The following UNKL variants were observed in gnomAD, a reference collection of about 807,000 sequenced individuals.
The protein encoded by UNKL is unk like zinc finger.
UNKL carries 60 observed loss-of-function variants against 78.0 expected under a neutral mutation model. The ratio of observed to expected loss-of-function variants is 0.77; its 90% confidence interval spans 0.63 to 0.95. The LOEUF (loss-of-function observed/expected upper bound fraction) is 0.95. Ranked by LOEUF, UNKL falls within the 40% of genes least tolerant of loss-of-function variation. The pLI is 0.00. For synonymous variants in UNKL, 608 were observed against 474.8 expected (o/e 1.28, Z -3.65); for missense variants, 1,159 against 1,045.7 (o/e 1.11, Z -1.49).
At chr16:1,379,289 C>G (rs1596690571) in intron 10 of UNKL, 1 of 199,216 alleles carries the variant, frequency 5.0e-6, no homozygotes, top group East Asian at 1.9e-4. Context: ...TCCCCCGCCC[C>G]GTTCCCCTGC....
Position 1,367,364 on chromosome 16 carries a change from C to A in UNKL, c.1789-15G>T. ...GCATCGCAGACCTGAAACCCAGGGC[C>A]CGTCTCAGCACCCCCCACCTCACCT... On this transcript the variant is annotated splice_polypyrimidine_tract_variant and intron_variant, in intron 13 of 14. Coordinates refer to ENST00000389221, the MANE Select transcript of UNKL (RefSeq NM_001372107.1). 6.5e-7 allele frequency: 1 copy of A among 1,531,368 alleles called. No homozygotes were observed. Among genetic ancestry groups the A allele is most frequent in the Non-Finnish European group, 8.7e-7 (1 of 1,143,300 alleles). The allele number at this position is 1,531,368 out of a possible 1,614,324, so 94.9% of individuals were successfully genotyped here.
chr16:1,380,670 A>G (rs2036570735), intron 10 of UNKL, among the ~76,000 whole-genome samples: 1 of 46,852 alleles, frequency 2.1e-5, no homozygotes, highest in Non-Finnish European at 3.9e-5. Context: ...TAGCTGGTTC[A>G]GGATTTTTTT....
intron 5 of UNKL, among the ~76,000 whole-genome samples, chr16:1,397,928 G>A (rs887648511): frequency 6.6e-6 from 1 of 152,250 alleles, no homozygotes; most frequent in Admixed American, 6.5e-5. Flanking sequence ...TGGAGTGACA[G>A]GCAACGCAGC....
chr16:1,403,345 C>T lies in UNKL; in HGVS notation c.288-1G>A. 6.2e-7 allele frequency: 1 copy of T among 1,613,774 alleles called. No individual in the cohort carries two copies. Among genetic ancestry groups the T allele is most frequent in the Non-Finnish European group, 8.5e-7 (1 of 1,179,880 alleles). ...CGTCGTCCGGTGCAGGTAGGGACACCTGGGGAGCAGAGAGGCACGCAATGC... is the reference window on the plus strand; with the variant it reads ...CGTCGTCCGGTGCAGGTAGGGACACTTGGGGAGCAGAGAGGCACGCAATGC... On this transcript the variant is annotated splice_acceptor_variant, in intron 2 of 14. Transcript: ENST00000389221. LOFTEE classifies it high-confidence loss of function. The surrounding 1 kb of genome is among the most constrained non-coding windows in gnomAD (Gnocchi z 4.8).
In UNKL at chr16:1,367,820, A is replaced by T; in HGVS notation, c.1624T>A (p.Ser542Thr). The T allele has an allele frequency of 6.3e-7, 1 of 1,575,348 alleles. No homozygotes were observed. The highest frequency in any genetic ancestry group is 8.6e-7 in the Non-Finnish European group (1 of 1,161,544). ...GVPGSIWDFV[S>T]GSFSPSPSPI... Reference sequence around the variant, plus strand: ...GAGGGGCTGGGGGAGAAGCTGCCGGAAACAAAGTCCCAGATGCTCCCGGGG... The same window carrying T: ...GAGGGGCTGGGGGAGAAGCTGCCGGTAACAAAGTCCCAGATGCTCCCGGGG... The change falls in exon 13 of 15, where the codon TCC becomes ACC. Residue 542 changes from serine to threonine, a missense_variant. Coordinates refer to ENST00000389221, the MANE Select transcript of UNKL (RefSeq NM_001372107.1).
At chr16:1,409,120 T>A (rs1181549533) in intron 2 of UNKL, among the ~76,000 whole-genome samples, 1 of 152,064 alleles carries the variant, frequency 6.6e-6, no homozygotes, top group Non-Finnish European at 1.5e-5. Flanking sequence ...GGTTTCACCA[T>A]GTAGGATGGT....
At position 1,385,213 on chromosome 16, in the gene UNKL, A is replaced by C; in HGVS notation, c.1259T>G (p.Val420Gly). 7.8e-7 allele frequency: 1 copy of C among 1,279,658 alleles called. No homozygotes were observed. 79.3% of individuals were successfully genotyped at this position (1,279,658 alleles called of 1,614,324 possible). A position where few individuals can be genotyped will look rare whatever the true frequency, so the allele number is the denominator to read the frequency against. Reference sequence around the variant, plus strand: ...GAGGACGGTGCTGGACTTACCGAGGACGGCCTCCACAGTGCTGCTGGCGGG... The same window carrying C: ...GAGGACGGTGCTGGACTTACCGAGGCCGGCCTCCACAGTGCTGCTGGCGGG... The part of the protein sequence containing the change: ...LGPASSTVEA[V>G]LGSALDLHLS... Residue 420 changes from valine to glycine, a missense_variant, in exon 10 of 15, where the codon GTC becomes GGC. Coordinates refer to ENST00000389221, the MANE Select transcript of UNKL (RefSeq NM_001372107.1).
intron 10 of UNKL, 53 bp from the exon 11 acceptor site, chr16:1,371,664 G>A (rs949890451): frequency 1.3e-6 from 2 of 1,520,764 alleles, no homozygotes; most frequent in Non-Finnish European, 1.8e-6. Flanking sequence ...GCAGAGCTCA[G>A]GAAGCCTAGC....
rs1034859488 is a variant in UNKL, at chr16:1,366,057, G to C, written c.*183C>G. On this transcript the variant is annotated 3_prime_UTR_variant, in exon 15 of 15. Coordinates refer to ENST00000389221, the MANE Select transcript of UNKL (RefSeq NM_001372107.1). ...TAGGACTAGATAGGTGACAACGTGTGACAGGAAAGGCTGTCAGGCCAAGCG... is the reference window on the plus strand; with the variant it reads ...TAGGACTAGATAGGTGACAACGTGTCACAGGAAAGGCTGTCAGGCCAAGCG... The C allele has an allele frequency of 1.6e-6, 1 of 631,324 alleles. No individual in the cohort carries two copies. Among genetic ancestry groups the C allele is most frequent in the South Asian group, 3.0e-5 (1 of 32,912 alleles). 39.1% of individuals were successfully genotyped at this position (631,324 alleles called of 1,614,324 possible). A position where few individuals can be genotyped will look rare whatever the true frequency, so the allele number is the denominator to read the frequency against.
chr16:1,369,846 C>T (rs981899259), intron 12 of UNKL: 6 of 1,156,838 alleles, frequency 5.2e-6, no homozygotes, highest in Non-Finnish European at 7.4e-6. Flanking sequence ...GTGGTGGCGC[C>T]CGCCTGTAGT....
Position 1,399,006 on chromosome 16 carries a change from G to C in UNKL, c.734+368C>G, listed in dbSNP as rs530759236. 2.7e-5 allele frequency: 40 copies of C among 1,465,204 alleles called. No individual in the cohort carries two copies. In the South Asian group the frequency reaches 4.6e-4, roughly 17 times the overall value. The allele number at this position is 1,465,204 out of a possible 1,614,324, so 90.8% of individuals were successfully genotyped here. A position where few individuals can be genotyped will look rare whatever the true frequency, so the allele number is the denominator to read the frequency against. On this transcript the variant is annotated intron_variant, in intron 5 of 14. Transcript: ENST00000389221. This position sits in a 1 kb window ranked among gnomAD's most constrained non-coding sequence, Gnocchi z 5.8. ...GAGCCCCTGGCAGCTTGGGTGAGGA[G>C]ACAGCATGCAGCCCACAGGCTGGAG...
At position 1,413,964 on chromosome 16, in the gene UNKL, A is replaced by C; in HGVS notation, c.169T>G (p.Phe57Val). Residue 57 changes from phenylalanine (F) to valine (V), a missense_variant, in exon 2 of 15, where the codon TTC (phenylalanine) becomes GTC (valine). By Grantham distance (50) the Phe-to-Val change is conservative. Transcript: ENST00000389221. Reference protein sequence around the residue: ...HRPFTCFHWHFLNQRRRRPLR... With the variant: ...HRPFTCFHWHVLNQRRRRPLR... The stretch of plus-strand genomic sequence containing the variant: ...GGCCTGCGGCGCCGCTGGTTGAGGA[A>C]GTGCCAGTGGAAGCAGGTGAACGGC... 1 of 1,552,924 alleles carries C rather than the reference A, an allele frequency of 6.4e-7. No individual in the cohort carries two copies. The highest frequency in any genetic ancestry group is 2.4e-5 in the East Asian group (1 of 40,972).
At position 1,403,547 on chromosome 16, in the gene UNKL, G is replaced by A. The variant is rs1028564255; in HGVS notation, c.288-203C>T. 3.9e-5 allele frequency among the ~76,000 whole-genome samples: 6 copies of A among 152,008 alleles called. No individual in the cohort carries two copies. Among genetic ancestry groups the A allele is most frequent in the Admixed American group, 2.6e-4 (4 of 15,254 alleles). On this transcript the variant is annotated intron_variant, in intron 2 of 14. Coordinates refer to ENST00000389221, the MANE Select transcript of UNKL (RefSeq NM_001372107.1). This position sits in a 1 kb window ranked among gnomAD's most constrained non-coding sequence, Gnocchi z 4.8. Reference sequence around the variant, plus strand: ...GAACCGCCCAGGTACACAGACCACCGCAAACCCCCAGTCAACCAGTCAAAC... The same window carrying A: ...GAACCGCCCAGGTACACAGACCACCACAAACCCCCAGTCAACCAGTCAAAC...
Position 1,367,689 on chromosome 16 carries a change from C to T in UNKL, c.1755G>A (p.Arg585=). 1 of 1,580,352 alleles carries T rather than the reference C, an allele frequency of 6.3e-7. No individual in the cohort carries two copies. The highest frequency in any genetic ancestry group is 1.2e-5 in the South Asian group (1 of 85,824). ...RQLDEAKRKI[R]QWEESWQQVK... The stretch of plus-strand genomic sequence containing the variant: ...CCTGCTGCCAGGACTCCTCCCACTG[C>T]CGGATCTTCCTCTTGGCCTCGTCCA... The change falls in exon 13 of 15, where the codon CGG becomes CGA. Residue 585 remains arginine, a synonymous_variant. Transcript: ENST00000389221.
At chr16:1,375,124 C>T (rs1203084507) in intron 10 of UNKL, among the ~76,000 whole-genome samples, 1 of 152,210 alleles carries the variant, frequency 6.6e-6, no homozygotes, top group Non-Finnish European at 1.5e-5. Context: ...CGGTCACACC[C>T]CCCGAGCCCC....
intron 10 of UNKL, among the ~76,000 whole-genome samples, chr16:1,372,464 T>G (rs917500783): frequency 3.3e-5 from 5 of 151,980 alleles, no homozygotes; most frequent in African/African-American, 1.2e-4. Context: ...CTGCAGGCCG[T>G]GGGGCTGCCC....
chr16:1,367,041 A>G, intron 14 of UNKL, 51 bp downstream of exon 14: 2 of 1,471,096 alleles, frequency 1.4e-6, no homozygotes, highest in Non-Finnish European at 1.8e-6. Context: ...AGACAGGGAC[A>G]GCAGCCCTGC....
At chr16:1,413,056 T>C (rs2038112302) in intron 2 of UNKL, among the ~76,000 whole-genome samples, 2 of 151,932 alleles carry the variant, frequency 1.3e-5, no homozygotes, top group South Asian at 4.2e-4. Flanking sequence ...AAGACCAGCC[T>C]GGGCAATGTA....
chr16:1,398,255 CCA>C (rs1403691214), intron 5 of UNKL: 4 of 968,636 alleles, frequency 4.1e-6, no homozygotes, highest in African/African-American at 3.5e-5. Flanking sequence ...CCAGCCTGGG[CCA>C]CAGAGTGAGA....
Sources: gnomAD v4.1 joint callset for allele counts (sites outside exome capture counted in the v4.1 genomes callset) on GRCh38, gnomAD v4.1.1 for gene constraint, Gnocchi (gnomAD v3.1) non-coding constraint, MANE v1.5 for transcripts, NCBI Gene and HGNC (gene_info 2026-07-23, HGNC 2026-07-21) for gene names.